Variants in KAT6B observed in about 807,000 individuals in gnomAD.
KAT6B encodes lysine acetyltransferase 6B.
A neutral mutation model predicts 187.5 loss-of-function variants in KAT6B; 10 were observed. That is an observed-to-expected ratio of 0.05 (90% CI 0.03 to 0.09). The LOEUF (loss-of-function observed/expected upper bound fraction) is 0.09, where lower values mean the gene tolerates loss of function less well. Ranked by LOEUF, KAT6B falls within the 10% of genes least tolerant of loss-of-function variation. KAT6B has a pLI of 1.00. For synonymous variants in KAT6B, 861 were observed against 926.8 expected (o/e 0.93, Z 1.29); for missense variants, 1,952 against 2,558.9 (o/e 0.76, Z 5.12).
intron 13 of KAT6B, among the ~76,000 whole-genome samples, chr10:75,017,198 C>G (rs73278113): frequency 0.079 from 11,990 of 152,044 alleles, 617 homozygotes; most frequent in South Asian, 0.27. Flanking sequence ...CATCTTAGAT[C>G]AATTATTTGG....
intron 13 of KAT6B, among the ~76,000 whole-genome samples, chr10:74,994,744 C>A (rs1326481173): frequency 6.6e-6 from 1 of 151,046 alleles, no homozygotes; most frequent in East Asian, 1.9e-4. Flanking sequence ...TGAGATTGCA[C>A]CGAGCTGAGA....
At chr10:75,003,185 C>T (rs1379311503) in intron 13 of KAT6B, 7 of 152,188 alleles carry the variant, frequency 4.6e-5, no homozygotes, top group African/African-American at 1.4e-4. Flanking sequence ...AAACCTTGGG[C>T]GGAGAAAGCA....
intron 13 of KAT6B, among the ~76,000 whole-genome samples, chr10:74,996,590 G>A (rs1042123393): frequency 6.6e-6 from 1 of 152,002 alleles, no homozygotes; most frequent in African/African-American, 2.4e-5. Flanking sequence ...CTAACATGGT[G>A]AAACCCCGTC....
chr10:74,857,768 CCAATGCTTTGGGAG>C (rs1201888701), intron 3 of KAT6B, among the ~76,000 whole-genome samples: 8 of 152,076 alleles, frequency 5.3e-5, no homozygotes, highest in African/African-American at 1.9e-4. Context: ...ATCTATAATC[CCAATGCTTTGGGAG>C]GCCAAGGCAG....
chr10:74,887,611 C>A (rs1845373881), intron 3 of KAT6B, among the ~76,000 whole-genome samples: 1 of 152,148 alleles, frequency 6.6e-6, no homozygotes, highest in Admixed American at 6.5e-5. Context: ...AAGTGTGAGC[C>A]ACCATGCCCA....
chr10:74,878,168 G>A (rs1713929973), intron 3 of KAT6B, among the ~76,000 whole-genome samples: 1 of 152,206 alleles, frequency 6.6e-6, no homozygotes, highest in Admixed American at 6.5e-5. Context: ...TGTTAGGGAT[G>A]CAACAGTGAG....
intron 3 of KAT6B, among the ~76,000 whole-genome samples, chr10:74,851,525 G>A (rs1842482823): frequency 6.6e-6 from 1 of 152,030 alleles, no homozygotes; most frequent in Admixed American, 6.6e-5. Context: ...TAGAAACGGG[G>A]TTTCACCATA....
rs550324738 is a variant in KAT6B at position 75,005,741 on chromosome 10, A to G, written c.2630-14841A>G. On this transcript the variant is annotated intron_variant, in intron 13 of 17. Transcript: ENST00000287239. ...GTGGTTAGCATGTTTGTACTCTAAT[A>G]TTCATGCTACATTTTCATGTTTACC... Among the ~76,000 whole-genome samples the G allele has an allele frequency of 2.4e-4, 37 of 152,276 alleles. 1 individual carries two copies. Among genetic ancestry groups the G allele is most frequent in the Admixed American group, 2.3e-3 (35 of 15,300 alleles).
intron 13 of KAT6B, among the ~76,000 whole-genome samples, chr10:75,004,056 T>G (rs965748566): frequency 1.4e-5 from 2 of 144,416 alleles, no homozygotes. Flanking sequence ...AGGTGGTTGG[T>G]TTTTTTTTTT....
chr10:74,829,008 T>TAAAA (rs796790976), intron 1 of KAT6B, among the ~76,000 whole-genome samples: 6 of 136,382 alleles, frequency 4.4e-5, no homozygotes, highest in African/African-American at 1.6e-4. Context: ...AGTGATGGTT[T>TAAAA]AAAAAAAAAA....
chr10:74,990,813 C>T (rs1418390235), intron 13 of KAT6B, among the ~76,000 whole-genome samples: 1 of 152,148 alleles, frequency 6.6e-6, no homozygotes, highest in Non-Finnish European at 1.5e-5. Context: ...AATGTTTGGT[C>T]ATATCTATAT....
In KAT6B at chr10:74,981,837, A is replaced by G. The variant is rs1842534871; in HGVS notation, c.2282A>G (p.Lys761Arg). The change falls in exon 11 of 18, where the codon AAA (lysine) becomes AGA (arginine). Residue 761 changes from lysine (K) to arginine (R), a missense_variant. Physicochemically the swap from Lys to Arg is conservative, Grantham distance 26 (BLOSUM62 2). This residue lies in a region of KAT6B where 87 missense variants were observed against 191.8 expected (regional missense o/e 0.45). Coordinates refer to ENST00000287239, the MANE Select transcript of KAT6B (RefSeq NM_012330.4). Reference sequence around the variant, plus strand: ...TTCTGTCTTAAATATATGAAAAGTAAAAATATTTTGCTAAGACACTCCAAG... The same window carrying G: ...TTCTGTCTTAAATATATGAAAAGTAGAAATATTTTGCTAAGACACTCCAAG... ...CEFCLKYMKS[K>R]NILLRHSKKC... 1 of 1,586,918 alleles carries G rather than the reference A, an allele frequency of 6.3e-7. No individual in the cohort carries two copies. The highest frequency in any genetic ancestry group is 1.7e-5 in the Admixed American group (1 of 59,984).
chr10:75,006,962 G>A (rs1844246399), intron 13 of KAT6B, among the ~76,000 whole-genome samples: 1 of 151,762 alleles, frequency 6.6e-6, no homozygotes, highest in Non-Finnish European at 1.5e-5. Context: ...CAGCTACTTG[G>A]GAGGCTGAGG....
intron 3 of KAT6B, among the ~76,000 whole-genome samples, chr10:74,906,395 C>CA (rs949310151): frequency 8.8e-5 from 13 of 148,444 alleles, no homozygotes; most frequent in South Asian, 2.1e-4. Flanking sequence ...GACTCCACCT[C>CA]AAAAAAAAAA....
intron 3 of KAT6B, among the ~76,000 whole-genome samples, chr10:74,848,559 A>T (rs1589464060): frequency 6.8e-6 from 1 of 147,220 alleles, no homozygotes; most frequent in Non-Finnish European, 1.5e-5. Context: ...GTGGTTTTTA[A>T]TTTTTTTTTT....
intron 1 of KAT6B, among the ~76,000 whole-genome samples, chr10:74,828,470 TA>T (rs1440623354): frequency 4.4e-5 from 6 of 137,732 alleles, no homozygotes; most frequent in African/African-American, 1.1e-4. Context: ...TTTTTTTTTT[TA>T]AAGTGCATTC....
At chr10:74,880,699 T>A (rs141245111) in intron 3 of KAT6B, among the ~76,000 whole-genome samples, 15,687 of 152,170 alleles carry the variant, frequency 0.1, 1,862 homozygotes, top group African/African-American at 0.29. Context: ...CACTGCAACC[T>A]CCACCTCCCA....
chr10:74,997,973 G>A (rs969662608), intron 13 of KAT6B, among the ~76,000 whole-genome samples: 5 of 152,214 alleles, frequency 3.3e-5, no homozygotes, highest in South Asian at 4.1e-4. Context: ...ATAGCCGGGC[G>A]TGGTGATGGG....
chr10:75,017,099 G>T (rs1271572207), intron 13 of KAT6B, among the ~76,000 whole-genome samples: 1 of 151,890 alleles, frequency 6.6e-6, no homozygotes, highest in African/African-American at 2.4e-5. Context: ...CTGACCTCAG[G>T]TGATCTGCCC....
Sources: allele counts gnomAD v4.1 joint callset (sites outside exome capture counted in the v4.1 genomes callset), GRCh38; gene constraint gnomAD v4.1.1; regional missense constraint gnomAD v4.1.1; transcripts MANE v1.5; gene names NCBI Gene and HGNC (gene_info 2026-07-23, HGNC 2026-07-21).